Variants in PCDH15 observed in about 807,000 individuals in gnomAD.
PCDH15 encodes protocadherin-15.
PCDH15 carries 129 observed loss-of-function variants against 178.5 expected under a neutral mutation model. The observed-to-expected ratio is 0.72, with a 90% CI of 0.63 to 0.84. PCDH15 has a LOEUF of 0.84. Among genes scored for constraint, PCDH15 ranks in the 40% least tolerant of loss-of-function variants. The probability of loss-of-function intolerance (pLI) is 0.00; values close to 1 mark genes in which losing one functional copy is unlikely to be tolerated. For missense variants in PCDH15, 2,230 were observed against 2,099.9 expected (o/e 1.06, Z -1.21); for synonymous variants, 800 against 732.0 (o/e 1.09, Z -1.50).
chr10:55,112,302 A>C (rs1421666408), intron 2 of PCDH15, among the ~76,000 whole-genome samples: 1 of 152,120 alleles, frequency 6.6e-6, no homozygotes, highest in Non-Finnish European at 1.5e-5. Flanking sequence ...AAAACCAGAG[A>C]GTTTTCTTGC....
At chr10:55,150,118 G>GAGAAGACGAGAGGAGAGAAGAC in intron 2 of PCDH15, among the ~76,000 whole-genome samples, 1 of 150,318 alleles carries the variant, frequency 6.7e-6, no homozygotes, top group Non-Finnish European at 1.5e-5. Flanking sequence ...GGAGAGAAGA[G>GAGAAGACGAGAGGAGAGAAGAC]AAGAGGAGAG....
intron 2 of PCDH15, among the ~76,000 whole-genome samples, chr10:55,361,688 T>C (rs778076524): frequency 5.3e-5 from 8 of 152,072 alleles, no homozygotes; most frequent in Non-Finnish European, 7.4e-5. Context: ...GAAGTTCACT[T>C]CATAAATATG....
intron 37 of PCDH15, chr10:53,809,425 C>G (rs1264102175): frequency 3.7e-6 from 6 of 1,613,970 alleles, no homozygotes; most frequent in Admixed American, 1.7e-5. Context: ...TATTCTGGCT[C>G]TCTTCCATGT....
At chr10:55,590,772 A>G (rs1842828499) in intron 2 of PCDH15, among the ~76,000 whole-genome samples, 2 of 152,148 alleles carry the variant, frequency 1.3e-5, no homozygotes, top group South Asian at 4.1e-4. Context: ...GTCATATGGT[A>G]TATCATCAAT....
At chr10:54,115,769 T>C (rs185724327) in intron 15 of PCDH15, among the ~76,000 whole-genome samples, 1 of 152,326 alleles carries the variant, frequency 6.6e-6, no homozygotes, top group East Asian at 1.9e-4. Context: ...GATCCTGTAA[T>C]TGAATCTTAA....
At chr10:54,693,020 G>A (rs999283339) in intron 1 of PCDH15, among the ~76,000 whole-genome samples, 9 of 151,832 alleles carry the variant, frequency 5.9e-5, no homozygotes, top group Admixed American at 4.6e-4. Context: ...TGTCCTCCAA[G>A]TTCCCTCCCC....
chr10:54,266,871 A>C (rs560956412), intron 8 of PCDH15, among the ~76,000 whole-genome samples: 2 of 152,104 alleles, frequency 1.3e-5, no homozygotes, highest in East Asian at 1.9e-4. Context: ...AGCTCATGCC[A>C]ATCCTACTGA....
intron 2 of PCDH15, among the ~76,000 whole-genome samples, chr10:55,355,444 T>C (rs953008850): frequency 6.6e-6 from 1 of 151,994 alleles, no homozygotes; most frequent in Non-Finnish European, 1.5e-5. Flanking sequence ...CTCATAAGTA[T>C]GTGATGGTGC....
intron 2 of PCDH15, among the ~76,000 whole-genome samples, chr10:54,592,067 A>G (rs1348586401): frequency 6.6e-6 from 1 of 152,188 alleles, no homozygotes; most frequent in African/African-American, 2.4e-5. Context: ...TCATAGCAGC[A>G]TCTTACATTT....
At chr10:54,100,288 C>T (rs1308509952) in intron 15 of PCDH15, among the ~76,000 whole-genome samples, 1 of 151,772 alleles carries the variant, frequency 6.6e-6, no homozygotes, top group East Asian at 1.9e-4. Context: ...TCGCTTGAAC[C>T]CGGGAGGCAG....
At chr10:54,289,995 C>T (rs114600652) in intron 8 of PCDH15, among the ~76,000 whole-genome samples, 2,732 of 152,134 alleles carry the variant, frequency 0.018, 79 homozygotes, top group African/African-American at 0.061. Flanking sequence ...CCAGGAGAAC[C>T]TCCCCAAACT....
At chr10:54,695,953 G>A (rs763274616) in intron 1 of PCDH15, among the ~76,000 whole-genome samples, 5 of 152,080 alleles carry the variant, frequency 3.3e-5, no homozygotes, top group Admixed American at 1.3e-4. Flanking sequence ...AGATGTACAG[G>A]GAGATCAGTG....
At chr10:54,115,484 C>G (rs1177527077) in intron 15 of PCDH15, among the ~76,000 whole-genome samples, 1 of 152,232 alleles carries the variant, frequency 6.6e-6, no homozygotes, top group Non-Finnish European at 1.5e-5. Flanking sequence ...AGCTATCAGT[C>G]CTATTCAGAG....
intron 3 of PCDH15, among the ~76,000 whole-genome samples, chr10:54,894,952 C>A (rs73259942): frequency 0.012 from 1,806 of 152,256 alleles, 38 homozygotes; most frequent in African/African-American, 0.042. Context: ...ATTTTCTTAT[C>A]TCCATCACTC....
chr10:54,414,025 C>A (rs1953954108), intron 3 of PCDH15, among the ~76,000 whole-genome samples: 1 of 152,128 alleles, frequency 6.6e-6, no homozygotes, highest in Non-Finnish European at 1.5e-5. Flanking sequence ...CTCAGCCTCT[C>A]ACTACTACAC....
chr10:54,866,771 C>A (rs1953950211), intron 3 of PCDH15, among the ~76,000 whole-genome samples: 1 of 130,520 alleles, frequency 7.7e-6, no homozygotes, highest in Admixed American at 8.4e-5. Context: ...ATAAAAAATG[C>A]AAAGATAGAC....
At chr10:55,400,390 G>T (rs1321877771) in intron 2 of PCDH15, among the ~76,000 whole-genome samples, 1 of 152,082 alleles carries the variant, frequency 6.6e-6, no homozygotes, top group Non-Finnish European at 1.5e-5. Context: ...AGCCACTAAA[G>T]GTCATGTGAT....
chr10:54,309,125 T>A (rs2133447083), intron 8 of PCDH15, among the ~76,000 whole-genome samples: 1 of 152,126 alleles, frequency 6.6e-6, no homozygotes, highest in East Asian at 1.9e-4. Flanking sequence ...AGGATATACT[T>A]TAATATTTAG....
At chr10:55,235,400 C>G (rs1841349561) in intron 1 of PCDH15, among the ~76,000 whole-genome samples, 1 of 152,072 alleles carries the variant, frequency 6.6e-6, no homozygotes, top group South Asian at 2.1e-4. Flanking sequence ...TGTCTTTGTA[C>G]TTTATAAACC....
Sources: gnomAD v4.1 joint callset for allele counts (sites outside exome capture counted in the v4.1 genomes callset) on GRCh38, gnomAD v4.1.1 for gene constraint, MANE v1.5 for transcripts, NCBI Gene and HGNC (gene_info 2026-07-23, HGNC 2026-07-21) for gene names.